PIWIL2: variants seen among roughly 807,000 people sequenced by gnomAD.
PIWIL2 encodes the protein piwi-like protein 2.
Under a neutral mutation model 116.5 loss-of-function variants are expected in PIWIL2, and 81 were observed. The ratio of observed to expected loss-of-function variants is 0.70; its 90% CI spans 0.58 to 0.84. PIWIL2 has a LOEUF of 0.84. Ranked by LOEUF, PIWIL2 falls within the 40% of genes least tolerant of loss-of-function variation. PIWIL2 has a pLI of 0.00. For synonymous variants in PIWIL2, 489 were observed against 429.5 expected, an observed-to-expected ratio of 1.14 and a Z score of -1.71; for missense variants, 1,272 against 1,212.3, an observed-to-expected ratio of 1.05 and a Z score of -0.73.
Position 22,331,643 on chromosome 8 carries a change from A to G in PIWIL2, c.2403+13368A>G, listed in dbSNP as rs140656405. Reference sequence around the variant, plus strand: ...CAGTACATGGGTGTATTAGTTTGCTACAAATGACATAACAAAGTACCAGCA... The same window carrying G: ...CAGTACATGGGTGTATTAGTTTGCTGCAAATGACATAACAAAGTACCAGCA... On this transcript the variant is annotated intron_variant, in intron 20 of 22. Transcript: ENST00000356766. 7.2e-5 allele frequency among the ~76,000 whole-genome samples: 11 copies of G among 152,284 alleles called. No homozygotes were observed. The East Asian group carries it at 1.9e-3, about 27-fold the overall frequency.
intron 15 of PIWIL2, among the ~76,000 whole-genome samples, 165 bp from the exon 16 acceptor site, chr8:22,310,947 G>A (rs966230516): frequency 1.3e-5 from 2 of 152,072 alleles, no homozygotes; most frequent in Admixed American, 6.6e-5. Flanking sequence ...TTGAGACTAC[G>A]CCACAGTTTT....
rs76050285 is a variant in PIWIL2 at position 22,306,106 on chromosome 8, A to C, written c.1545+90A>C. ...TGAGTTAGAACCGAGCCACGTTCCA[A>C]CTCTGATGTTGGCTTGCATTGTAAC... On this transcript the variant is annotated intron_variant, in intron 13 of 22. Transcript: ENST00000356766. 3 of 855,784 alleles carry C rather than the reference A, an allele frequency of 3.5e-6. No individual in the cohort carries two copies. The South Asian group carries it at 4.2e-5, about 12-fold the overall frequency. 53.0% of individuals were successfully genotyped at this position (855,784 alleles called of 1,614,324 possible). A position where few individuals can be genotyped will look rare whatever the true frequency, so the allele number is the denominator to read the frequency against.
At chr8:22,342,272 A>G (rs1832128254) in intron 20 of PIWIL2, among the ~76,000 whole-genome samples, 2 of 152,342 alleles carry the variant, frequency 1.3e-5, no homozygotes, top group African/African-American at 4.8e-5. Flanking sequence ...AATCTTACTC[A>G]AAATCCCAGC....
intron 10 of PIWIL2, among the ~76,000 whole-genome samples, chr8:22,295,467 C>T (rs1447162282): frequency 2.0e-5 from 3 of 152,162 alleles, no homozygotes; most frequent in African/African-American, 2.4e-5. Flanking sequence ...ATTCCCCTCC[C>T]GTCCAAATAC....
intron 20 of PIWIL2, among the ~76,000 whole-genome samples, chr8:22,352,580 C>A (rs1299380769): frequency 6.6e-6 from 1 of 152,134 alleles, no homozygotes; most frequent in Non-Finnish European, 1.5e-5. Context: ...TAACACTTTA[C>A]CTTATTCTTT....
At chr8:22,285,055 G>T (rs1212505300) in intron 6 of PIWIL2, among the ~76,000 whole-genome samples, 2 of 152,152 alleles carry the variant, frequency 1.3e-5, no homozygotes, top group Non-Finnish European at 2.9e-5. Context: ...ATTGACATAT[G>T]TGTCACCTCA....
chr8:22,301,917 A>G (rs115370874), intron 10 of PIWIL2, among the ~76,000 whole-genome samples: 1,718 of 152,212 alleles, frequency 0.011, 31 homozygotes, highest in African/African-American at 0.039. Context: ...TTATTATTTG[A>G]TCATAAATGT....
chr8:22,290,151 C>T, intron 9 of PIWIL2, 82 bp from the exon 10 acceptor site: 1 of 818,084 alleles, frequency 1.2e-6, no homozygotes, highest in Non-Finnish European at 2.0e-6. Context: ...GGCAGTATCA[C>T]CTCAATGTTT....
chr8:22,319,407 G>A (rs1053911885), intron 20 of PIWIL2, among the ~76,000 whole-genome samples: 6 of 151,944 alleles, frequency 3.9e-5, no homozygotes, highest in African/African-American at 1.5e-4. Flanking sequence ...GTTTTCCTTC[G>A]AAGTTTGATC....
At chr8:22,316,466 T>A in intron 19 of PIWIL2, 133 bp downstream of exon 19, 1 of 616,768 alleles carries the variant, frequency 1.6e-6, no homozygotes, top group Non-Finnish European at 2.8e-6. Flanking sequence ...TCCTCTATCT[T>A]CATGTGAATT....
chr8:22,313,490 G>A (rs150706461), intron 16 of PIWIL2, among the ~76,000 whole-genome samples: 194 of 152,228 alleles, frequency 1.3e-3, no homozygotes, highest in Non-Finnish European at 2.1e-3. Flanking sequence ...CTGAAAAAAC[G>A]CACCTGTTTG....
At position 22,304,833 on chromosome 8, in the gene PIWIL2, C is replaced by G; in HGVS notation, c.1420C>G (p.His474Asp). Residue 474 changes from histidine to aspartate, a missense_variant, in exon 12 of 23, where the codon CAC becomes GAC. Physicochemically the swap from His to Asp is moderately conservative, Grantham distance 81. Coordinates refer to ENST00000356766, the MANE Select transcript of PIWIL2 (RefSeq NM_018068.5). ...GGAAGAGGACCAGCCATTGCTGATTCACAGGCCCAGTGAGAGACAGGATAA... is the reference window on the plus strand; with the variant it reads ...GGAAGAGGACCAGCCATTGCTGATTGACAGGCCCAGTGAGAGACAGGATAA... ...VKEEDQPLLIHRPSERQDNHG... is the reference protein window; with the variant it reads ...VKEEDQPLLIDRPSERQDNHG... The G allele has an allele frequency of 1.2e-6, 2 of 1,613,022 alleles. No homozygotes were observed. The highest frequency in any genetic ancestry group is 1.7e-6 in the Non-Finnish European group (2 of 1,179,028).
chr8:22,312,367 C>T (rs1164951861), intron 16 of PIWIL2, among the ~76,000 whole-genome samples: 2 of 152,130 alleles, frequency 1.3e-5, no homozygotes, highest in East Asian at 1.9e-4. Flanking sequence ...TGGGCTCAAG[C>T]AATCCTTCCG....
Position 22,353,025 on chromosome 8 carries a change from A to G in PIWIL2, c.2470A>G (p.Thr824Ala), listed in dbSNP as rs1483336064. 2 of 1,612,752 alleles carry G rather than the reference A, an allele frequency of 1.2e-6. No homozygotes were observed. Among genetic ancestry groups the G allele is most frequent in the Admixed American group, 3.3e-5 (2 of 59,998 alleles). ...RDGVSDGQLK[T>A]VANYEIPQLQ... ...TGGAGTGTCTGATGGCCAACTGAAG[A>G]CAGTTGCCAACTATGAGATTCCTCA... The change falls in exon 21 of 23, where the codon ACA (threonine) becomes GCA (alanine). Residue 824 changes from threonine (T) to alanine (A), a missense_variant. Coordinates refer to ENST00000356766, the MANE Select transcript of PIWIL2 (RefSeq NM_018068.5).
intron 6 of PIWIL2, among the ~76,000 whole-genome samples, chr8:22,285,262 ACT>A (rs547576017): frequency 2.7e-3 from 412 of 151,968 alleles, no homozygotes; most frequent in African/African-American, 8.6e-3. Flanking sequence ...CCACCTTCCT[ACT>A]CTCTGTTCAC....
chr8:22,304,808 G>A lies in PIWIL2; in HGVS notation c.1395G>A (p.Lys465=). The A allele has an allele frequency of 6.2e-7, 1 of 1,613,516 alleles. No individual in the cohort carries two copies. ...GCAAAAATTATGGGATCACAGTTAAGGAAGAGGACCAGCCATTGCTGATTC... is the reference window on the plus strand; with the variant it reads ...GCAAAAATTATGGGATCACAGTTAAAGAAGAGGACCAGCCATTGCTGATTC... ...YYSKNYGITV[K]EEDQPLLIHR... The change falls in exon 12 of 23, where the codon AAG becomes AAA. Residue 465 remains lysine (K), a synonymous_variant. Coordinates refer to ENST00000356766, the MANE Select transcript of PIWIL2 (RefSeq NM_018068.5).
chr8:22,319,032 A>G (rs993481050), intron 20 of PIWIL2, among the ~76,000 whole-genome samples: 1 of 152,214 alleles, frequency 6.6e-6, no homozygotes, highest in Non-Finnish European at 1.5e-5. Context: ...GAGGATTGCT[A>G]TAATTAAGCT....
At chr8:22,323,504 A>T (rs927564026) in intron 20 of PIWIL2, among the ~76,000 whole-genome samples, 2 of 152,324 alleles carry the variant, frequency 1.3e-5, no homozygotes, top group East Asian at 3.9e-4. Flanking sequence ...TGCTGGGATT[A>T]TAGGCGTGAG....
intron 8 of PIWIL2, among the ~76,000 whole-genome samples, chr8:22,289,152 CTTTT>C (rs374688951): frequency 3.0e-5 from 4 of 135,274 alleles, no homozygotes; most frequent in Non-Finnish European, 4.8e-5. Context: ...TTTCTTTTTT[CTTTT>C]TTTTTTTTTT....
Sources: gnomAD v4.1 joint callset for allele counts (sites outside exome capture counted in the v4.1 genomes callset) on GRCh38, gnomAD v4.1.1 for gene constraint, MANE v1.5 for transcripts, NCBI Gene and HGNC (gene_info 2026-07-23, HGNC 2026-07-21) for gene names.